Variants in GALK2 observed in about 807,000 individuals in gnomAD.
GALK2 encodes galactokinase 2, also known as N-acetylgalactosamine kinase.
GALK2 carries 36 observed loss-of-function variants against 52.4 expected under a neutral mutation model. That is an observed-to-expected ratio of 0.69 (90% confidence interval 0.53 to 0.91). The LOEUF is 0.91. GALK2 is among the 40% of genes least tolerant of loss of function. GALK2 has a pLI of 0.00. For missense variants in GALK2, 579 were observed against 559.1 expected, an observed-to-expected ratio of 1.04 and a Z score of -0.36; for synonymous variants, 176 against 199.1, an observed-to-expected ratio of 0.88 and a Z score of 0.98.
At chr15:49,277,810 C>G (rs2032079885) in intron 5 of GALK2, among the ~76,000 whole-genome samples, 1 of 151,676 alleles carries the variant, frequency 6.6e-6, no homozygotes, top group Non-Finnish European at 1.5e-5. Context: ...AACGAACAAA[C>G]AAAAAAGGAT....
chr15:49,181,204 G>C (rs1175747901), intron 1 of GALK2, among the ~76,000 whole-genome samples: 2 of 149,272 alleles, frequency 1.3e-5, no homozygotes, highest in Non-Finnish European at 3.0e-5. Context: ...TTGACTTTCT[G>C]GTGATTCTCC....
At chr15:49,337,773 G>A (rs1021029101) in intron 3 of GALK2, among the ~76,000 whole-genome samples, 1 of 151,512 alleles carries the variant, frequency 6.6e-6, no homozygotes, top group Non-Finnish European at 1.5e-5. Context: ...TGCAATGTTT[G>A]GTTTTCTGTT....
intron 8 of GALK2, among the ~76,000 whole-genome samples, chr15:49,303,955 T>A (rs1391708098): frequency 6.6e-6 from 1 of 152,244 alleles, no homozygotes; most frequent in African/African-American, 2.4e-5. Context: ...ATCATGGATG[T>A]ATCTCTGTCT....
chr15:49,192,475 A>ATATATATATGTATATATATG (rs1335041910), intron 1 of GALK2, among the ~76,000 whole-genome samples: 1 of 102,090 alleles, frequency 9.8e-6, no homozygotes, highest in Non-Finnish European at 1.9e-5. Context: ...AATGAATATT[A>ATATATATATGTATATATATG]TATATATATG....
At chr15:49,201,076 G>GTT in intron 1 of GALK2, 86 bp from the exon 2 acceptor site, 1 of 671,120 alleles carries the variant, frequency 1.5e-6, no homozygotes, top group East Asian at 2.8e-5. Context: ...GTGTGTGTGT[G>GTT]TGTGTGTGTG....
chr15:49,274,982 A>T (rs1409074309), intron 5 of GALK2, among the ~76,000 whole-genome samples: 1 of 151,858 alleles, frequency 6.6e-6, no homozygotes, highest in African/African-American at 2.4e-5. Flanking sequence ...TTTTTTTTTT[A>T]ATAAGTAGAA....
chr15:49,232,804 C>A (rs1259191707), intron 3 of GALK2, among the ~76,000 whole-genome samples: 1 of 151,014 alleles, frequency 6.6e-6, no homozygotes, highest in Admixed American at 6.6e-5. Context: ...CAAAAATGAC[C>A]TTTACACTAG....
intron 1 of GALK2, among the ~76,000 whole-genome samples, chr15:49,200,171 A>G (rs1013339623): frequency 6.6e-6 from 1 of 152,194 alleles, no homozygotes; most frequent in African/African-American, 2.4e-5. Context: ...AAGTTATTAA[A>G]TATATTACAA....
chr15:49,244,557 G>C (rs1566972753), intron 5 of GALK2, among the ~76,000 whole-genome samples: 1 of 152,158 alleles, frequency 6.6e-6, no homozygotes, highest in African/African-American at 2.4e-5. Context: ...CTGTTTAAAT[G>C]AATTAATCAA....
exon 1 of GALK2, chr15:49,155,838 A>T (rs2084430438): frequency 3.7e-6 from 3 of 817,412 alleles, no homozygotes; most frequent in South Asian, 1.6e-5. Flanking sequence ...TGCAGGTCTC[A>T]GCCGAAGGGC....
chr15:49,182,011 T>C (rs1476221474), intron 1 of GALK2, among the ~76,000 whole-genome samples: 1 of 152,152 alleles, frequency 6.6e-6, no homozygotes, highest in Non-Finnish European at 1.5e-5. Flanking sequence ...CCAATGATAA[T>C]CTTTTAGTTA....
chr15:49,160,571 TA>T (rs993827646), intron 1 of GALK2, among the ~76,000 whole-genome samples: 2 of 151,936 alleles, frequency 1.3e-5, no homozygotes, highest in African/African-American at 2.4e-5. Context: ...ATCATAATAG[TA>T]ATAGTACCCA....
At chr15:49,357,176 T>C (rs1302557165) in intron 3 of GALK2, among the ~76,000 whole-genome samples, 1 of 148,756 alleles carries the variant, frequency 6.7e-6, no homozygotes. Context: ...TTAAAAGAAC[T>C]AGAAAAGCAA....
At chr15:49,283,016 A>G (rs1376708182) in intron 6 of GALK2, among the ~76,000 whole-genome samples, 3 of 152,082 alleles carry the variant, frequency 2.0e-5, no homozygotes, top group African/African-American at 4.8e-5. Flanking sequence ...TTACCCTTCT[A>G]TCCTAACCTC....
intron 2 of GALK2, among the ~76,000 whole-genome samples, chr15:49,213,362 C>T (rs570156088): frequency 6.6e-6 from 1 of 151,968 alleles, no homozygotes; most frequent in East Asian, 1.9e-4. Context: ...AAAAATTTTA[C>T]TTTAAGTTCT....
At chr15:49,252,798 G>A (rs1044603168) in intron 5 of GALK2, among the ~76,000 whole-genome samples, 3 of 144,686 alleles carry the variant, frequency 2.1e-5, no homozygotes, top group Non-Finnish European at 4.7e-5. Context: ...AACATTGCAT[G>A]AGAGGATCTA....
At chr15:49,258,962 A>T (rs8029529) in intron 5 of GALK2, among the ~76,000 whole-genome samples, 99,315 of 150,938 alleles carry the variant, frequency 0.66, 33,267 homozygotes, top group African/African-American at 0.74. Flanking sequence ...GAGAAGTGTC[A>T]GTTCATGTCC....
chr15:49,349,474 C>T (rs2041955105), intron 3 of GALK2, among the ~76,000 whole-genome samples: 1 of 151,982 alleles, frequency 6.6e-6, no homozygotes, highest in East Asian at 1.9e-4. Context: ...TTGATATATC[C>T]TTTATTTTAC....
intron 5 of GALK2, among the ~76,000 whole-genome samples, chr15:49,259,584 T>C: frequency 6.7e-6 from 1 of 148,356 alleles, no homozygotes; most frequent in East Asian, 2.0e-4. Flanking sequence ...TTTTTTTTTT[T>C]AATTATTATT....
Sources: allele counts gnomAD v4.1 joint callset (sites outside exome capture counted in the v4.1 genomes callset), GRCh38; gene constraint gnomAD v4.1.1; transcripts MANE v1.5; gene names NCBI Gene and HGNC (gene_info 2026-07-23, HGNC 2026-07-21).